CPNE4: variants seen among roughly 807,000 people sequenced by gnomAD.
CPNE4 encodes the protein copine-4.
CPNE4 carries 25 observed loss-of-function variants against 67.9 expected under a neutral mutation model. The observed-to-expected ratio is 0.37, with a 90% CI of 0.27 to 0.51. The LOEUF is 0.51. CPNE4 is among the 20% of genes least tolerant of loss of function. The pLI, the probability that CPNE4 is intolerant of heterozygous loss-of-function variation, is 0.93. For synonymous variants in CPNE4, 242 were observed against 244.9 expected (o/e 0.99, Z 0.11); for missense variants, 464 against 690.8 (o/e 0.67, Z 3.68).
intron 1 of CPNE4, among the ~76,000 whole-genome samples, chr3:131,964,039 T>C (rs2072266312): frequency 2.0e-5 from 3 of 152,200 alleles, no homozygotes; most frequent in African/African-American, 7.2e-5. Flanking sequence ...CAGGCAGCAA[T>C]CTTTGCTGCT....
At chr3:131,729,502 G>A (rs908268005) in intron 2 of CPNE4, among the ~76,000 whole-genome samples, 30 of 152,158 alleles carry the variant, frequency 2.0e-4, no homozygotes, top group African/African-American at 6.8e-4. Flanking sequence ...CTGATTTTAA[G>A]TGACTGGCCT....
chr3:132,034,608 C>A lies in CPNE4; in HGVS notation c.-43G>T. ...CGAAGAGTGGAGAGAGAATTCAGCCCGGGACGAGGTCTGTCCCGCCCCCAG... is the reference window on the plus strand; with the variant it reads ...CGAAGAGTGGAGAGAGAATTCAGCCAGGGACGAGGTCTGTCCCGCCCCCAG... On this transcript the variant is annotated 5_prime_UTR_variant, in exon 1 of 16. Transcript: ENST00000429747. The A allele has an allele frequency of 1.0e-6, 1 of 985,400 alleles. No homozygotes were observed. Among genetic ancestry groups the A allele is most frequent in the Non-Finnish European group, 1.2e-6 (1 of 830,004 alleles). 61.0% of individuals were successfully genotyped at this position (985,400 alleles called of 1,614,324 possible).
chr3:131,819,654 G>A (rs1271206989), intron 2 of CPNE4, among the ~76,000 whole-genome samples: 2 of 152,094 alleles, frequency 1.3e-5, no homozygotes, highest in African/African-American at 4.8e-5. Context: ...TAGCAACCAC[G>A]GTTGCCAACA....
chr3:131,590,469 A>G (rs56394278), intron 7 of CPNE4, among the ~76,000 whole-genome samples: 3,819 of 152,212 alleles, frequency 0.025, 81 homozygotes, highest in African/African-American at 0.065. Context: ...AACCTTTGTT[A>G]TTTTCAGCCA....
chr3:131,889,618 AC>A (rs2088025350), intron 2 of CPNE4, among the ~76,000 whole-genome samples: 1 of 152,224 alleles, frequency 6.6e-6, no homozygotes, highest in African/African-American at 2.4e-5. Flanking sequence ...TAGTAATGAA[AC>A]CATATTTCCC....
chr3:131,755,243 C>G (rs2082724859), intron 2 of CPNE4, among the ~76,000 whole-genome samples: 1 of 150,680 alleles, frequency 6.6e-6, no homozygotes, highest in African/African-American at 2.4e-5. Flanking sequence ...ATAACTGAGC[C>G]ACTAAGGGAG....
intron 1 of CPNE4, among the ~76,000 whole-genome samples, chr3:131,916,325 G>A (rs975184674): frequency 7.0e-6 from 1 of 143,026 alleles, no homozygotes; most frequent in South Asian, 2.2e-4. Flanking sequence ...GGCTCACAAC[G>A]TGGATTTTGT....
At chr3:131,961,853 A>C (rs529827115) in intron 1 of CPNE4, among the ~76,000 whole-genome samples, 51 of 152,252 alleles carry the variant, frequency 3.3e-4, no homozygotes, top group African/African-American at 5.8e-4. Flanking sequence ...TTTTCTGTTT[A>C]TCTCTCTCCC....
At chr3:131,745,271 T>C (rs2082460601) in intron 2 of CPNE4, among the ~76,000 whole-genome samples, 1 of 152,138 alleles carries the variant, frequency 6.6e-6, no homozygotes, top group Non-Finnish European at 1.5e-5. Flanking sequence ...CACATTGGAT[T>C]GCTTGTTTAT....
intron 7 of CPNE4, among the ~76,000 whole-genome samples, chr3:131,588,448 G>T (rs1938323777): frequency 6.6e-6 from 1 of 152,120 alleles, no homozygotes; most frequent in Non-Finnish European, 1.5e-5. Flanking sequence ...AAGAAGCTCA[G>T]ACCTCAAATA....
intron 7 of CPNE4, among the ~76,000 whole-genome samples, chr3:131,665,148 C>T (rs1293020794): frequency 6.6e-6 from 1 of 151,992 alleles, no homozygotes; most frequent in Non-Finnish European, 1.5e-5. Flanking sequence ...ACTGCTTGAG[C>T]CCAGGAGTTC....
intron 7 of CPNE4, among the ~76,000 whole-genome samples, chr3:131,616,586 G>A (rs888811518): frequency 7.9e-5 from 12 of 152,322 alleles, no homozygotes; most frequent in African/African-American, 2.6e-4. Flanking sequence ...TGGCACACAG[G>A]TGATGCTTCT....
chr3:131,608,320 A>T (rs946427066), intron 7 of CPNE4, among the ~76,000 whole-genome samples: 1 of 152,170 alleles, frequency 6.6e-6, no homozygotes, highest in African/African-American at 2.4e-5. Flanking sequence ...GGTGCATTTA[A>T]TGTGGAGTAC....
intron 1 of CPNE4, among the ~76,000 whole-genome samples, chr3:131,910,719 G>A (rs1344760285): frequency 6.6e-6 from 1 of 152,164 alleles, no homozygotes; most frequent in East Asian, 1.9e-4. Flanking sequence ...AGGCAGCCAT[G>A]AGCCATTATC....
intron 2 of CPNE4, among the ~76,000 whole-genome samples, chr3:131,901,882 T>C (rs918560530): frequency 6.6e-6 from 1 of 152,024 alleles, no homozygotes; most frequent in African/African-American, 2.4e-5. Context: ...GCAAAATTCC[T>C]GAATATTTAA....
At chr3:131,542,410 C>T in intron 15 of CPNE4, 147 bp downstream of exon 15, 1 of 686,046 alleles carries the variant, frequency 1.5e-6, no homozygotes, top group East Asian at 2.5e-5. Flanking sequence ...TAAGCCAGGT[C>T]ATCTCCCACA....
chr3:131,815,026 G>C (rs2107951797), intron 2 of CPNE4, among the ~76,000 whole-genome samples: 1 of 152,326 alleles, frequency 6.6e-6, no homozygotes, highest in South Asian at 2.1e-4. Context: ...AGACTGGTTG[G>C]TCTGGTGGAT....
At chr3:131,668,167 A>G (rs1319193132) in intron 7 of CPNE4, among the ~76,000 whole-genome samples, 1 of 152,208 alleles carries the variant, frequency 6.6e-6, no homozygotes, top group Non-Finnish European at 1.5e-5. Flanking sequence ...TAAGAGTTCA[A>G]CTGCAAAGCT....
chr3:131,805,668 C>T (rs1265379298), intron 2 of CPNE4, among the ~76,000 whole-genome samples: 1 of 152,158 alleles, frequency 6.6e-6, no homozygotes, highest in Non-Finnish European at 1.5e-5. Context: ...AAAATGGTTT[C>T]TTCATGTAAC....
Sources: allele counts gnomAD v4.1 joint callset (sites outside exome capture counted in the v4.1 genomes callset), GRCh38; gene constraint gnomAD v4.1.1; transcripts MANE v1.5; gene names NCBI Gene and HGNC (gene_info 2026-07-23, HGNC 2026-07-21).